MYO16: variants seen among roughly 807,000 people sequenced by gnomAD.
The protein encoded by MYO16 is unconventional myosin-XVI.
Under a neutral mutation model 205.3 loss-of-function variants are expected in MYO16, and 94 were observed. The ratio of observed to expected loss-of-function variants is 0.46; its 90% CI spans 0.39 to 0.54. The LOEUF is 0.54. MYO16 is among the 20% of genes least tolerant of loss of function. The pLI is 0.00. For missense variants in MYO16, 2,315 were observed against 2,387.5 expected, an observed-to-expected ratio of 0.97 and a Z score of 0.63; for synonymous variants, 988 against 954.0, an observed-to-expected ratio of 1.04 and a Z score of -0.66.
At chr13:108,521,941 G>A in the MYO16 span, among the ~76,000 whole-genome samples, 35 of 152,156 alleles carry the variant, frequency 2.3e-4, no homozygotes, top group Admixed American at 2.1e-3. Context: ...CTAAACATTG[G>A]TTGGAGGCAG....
chr13:109,188,892 G>A (rs745507162), intron 34 of MYO16, among the ~76,000 whole-genome samples: 5 of 152,072 alleles, frequency 3.3e-5, no homozygotes, highest in Non-Finnish European at 5.9e-5. Flanking sequence ...TCAGGAGTTC[G>A]AGACCACCCT....
intron 9 of MYO16, among the ~76,000 whole-genome samples, chr13:108,838,472 A>C (rs115977585): frequency 0.02 from 3,044 of 151,204 alleles, 95 homozygotes; most frequent in African/African-American, 0.07. Flanking sequence ...CTGGCCTCAG[A>C]ATTTCATAAT....
At chr13:108,771,073 A>G (rs1329092935) in intron 4 of MYO16, among the ~76,000 whole-genome samples, 1 of 152,138 alleles carries the variant, frequency 6.6e-6, no homozygotes. Context: ...TCTAAAGTGT[A>G]TATATTTAGG....
At chr13:108,731,967 C>G (rs554744519) in intron 4 of MYO16, among the ~76,000 whole-genome samples, 6 of 152,334 alleles carry the variant, frequency 3.9e-5, no homozygotes, top group African/African-American at 1.4e-4. Flanking sequence ...ATCTGAGTAG[C>G]TGTATTCATA....
chr13:108,883,197 C>T lies in MYO16; in HGVS notation c.1553+11C>T. ...GTGTTTCATCCTCAGGTGAGTCCTC[C>T]TCAACCTTGTCTGCCAGGCTCAGGT... On this transcript the variant is annotated intron_variant, in intron 13 of 34. Coordinates refer to ENST00000457511, the MANE Select transcript of MYO16 (RefSeq NM_001198950.3). 1.2e-6 allele frequency: 2 copies of T among 1,610,774 alleles called. No individual in the cohort carries two copies. The highest frequency in any genetic ancestry group is 1.7e-6 in the Non-Finnish European group (2 of 1,177,770).
chr13:108,521,850 T>A, the MYO16 span, among the ~76,000 whole-genome samples: 4 of 152,170 alleles, frequency 2.6e-5, no homozygotes, highest in Non-Finnish European at 5.9e-5. Flanking sequence ...TTTGTATACG[T>A]TTTATACTTT....
chr13:108,627,440 T>A (rs543547922), upstream of MYO16, among the ~76,000 whole-genome samples: 1 of 152,302 alleles, frequency 6.6e-6, no homozygotes, highest in African/African-American at 2.4e-5. Context: ...ACATTTGTAG[T>A]CTTACAGTTT....
chr13:108,797,890 C>T (rs1242566027), intron 6 of MYO16, among the ~76,000 whole-genome samples: 2 of 152,158 alleles, frequency 1.3e-5, no homozygotes, highest in East Asian at 3.9e-4. Context: ...TTGAAGTAAT[C>T]AATACAGAGC....
chr13:108,850,048 T>C (rs187932640), intron 10 of MYO16, among the ~76,000 whole-genome samples: 2 of 150,740 alleles, frequency 1.3e-5, no homozygotes, highest in Non-Finnish European at 3.0e-5. Context: ...TCCTCTTTTT[T>C]TGTGTGTGTA....
At chr13:109,034,395 C>G (rs780414822) in intron 23 of MYO16, among the ~76,000 whole-genome samples, 1 of 152,148 alleles carries the variant, frequency 6.6e-6, no homozygotes, top group Non-Finnish European at 1.5e-5. Flanking sequence ...TGAGTTCTAA[C>G]AAGATCTGAT....
At chr13:108,654,285 A>T (rs28862013) in intron 1 of MYO16, among the ~76,000 whole-genome samples, 266 of 152,144 alleles carry the variant, frequency 1.7e-3, no homozygotes, top group African/African-American at 5.7e-3. Context: ...CCAGTGGGAG[A>T]TAATTTGAAT....
chr13:108,969,536 G>T (rs1288601465), intron 20 of MYO16, among the ~76,000 whole-genome samples: 1 of 152,100 alleles, frequency 6.6e-6, no homozygotes, highest in Non-Finnish European at 1.5e-5. Context: ...AAGGCGTGTG[G>T]CCCTCTCTTC....
intron 4 of MYO16, among the ~76,000 whole-genome samples, chr13:108,766,292 G>C (rs1394448604): frequency 6.6e-6 from 1 of 152,186 alleles, no homozygotes; most frequent in Non-Finnish European, 1.5e-5. Context: ...TTTGACTCAA[G>C]TACGATAGAG....
In MYO16 at chr13:108,665,913, G is replaced by C. The variant is rs866013580; in HGVS notation, c.56G>C (p.Arg19Pro). 6.2e-7 allele frequency: 1 copy of C among 1,613,610 alleles called. No individual in the cohort carries two copies. Among genetic ancestry groups the C allele is most frequent in the Non-Finnish European group, 8.5e-7 (1 of 1,179,832 alleles). ...TGCTTTCAGCTATGTAACGTTTTTC[G>C]ATCCCATGAGATGGAAATCGACCAG... ...CCCFQLCNVF[R>P]SHEMEIDQCL... Residue 19 changes from arginine to proline, a missense_variant, in exon 2 of 35, where the codon CGA becomes CCA. Coordinates refer to ENST00000457511, the MANE Select transcript of MYO16 (RefSeq NM_001198950.3).
intron 1 of MYO16, among the ~76,000 whole-genome samples, chr13:108,609,379 T>C (rs1490529774): frequency 6.6e-6 from 1 of 152,172 alleles, no homozygotes; most frequent in Non-Finnish European, 1.5e-5. Context: ...GCTTAGCCTT[T>C]CTCTAGACTG....
intron 4 of MYO16, among the ~76,000 whole-genome samples, chr13:108,783,292 C>G (rs1167173208): frequency 6.6e-6 from 1 of 152,138 alleles, no homozygotes; most frequent in Admixed American, 6.5e-5. Context: ...ATGTGACTGC[C>G]CTACTAAATT....
At chr13:108,668,401 A>G (rs1421668819) in intron 2 of MYO16, among the ~76,000 whole-genome samples, 1 of 152,196 alleles carries the variant, frequency 6.6e-6, no homozygotes, top group Non-Finnish European at 1.5e-5. Flanking sequence ...TTACCTGGCT[A>G]TAGGGAGTGT....
At chr13:108,522,633 A>T in the MYO16 span, among the ~76,000 whole-genome samples, 1 of 152,070 alleles carries the variant, frequency 6.6e-6, no homozygotes, top group Non-Finnish European at 1.5e-5. Flanking sequence ...AGTCCTCCTG[A>T]GGGTGGTGAG....
Position 108,823,287 on chromosome 13 carries a change from C to G in MYO16, c.1097+9C>G. ...GTACTGTCGAGTAAGCTGTAAGTGT[C>G]TTCCTGCTTATTCTCTTTTGCCATC... is the stretch of plus-strand genomic sequence containing the variant. On this transcript the variant is annotated intron_variant, in intron 9 of 34. Coordinates refer to ENST00000457511, the MANE Select transcript of MYO16 (RefSeq NM_001198950.3). 6.3e-7 allele frequency: 1 copy of G among 1,593,758 alleles called. No homozygotes were observed. Among genetic ancestry groups the G allele is most frequent in the Non-Finnish European group, 8.5e-7 (1 of 1,169,936 alleles).
Sources: gnomAD v4.1 joint callset for allele counts (sites outside exome capture counted in the v4.1 genomes callset) on GRCh38, gnomAD v4.1.1 for gene constraint, MANE v1.5 for transcripts, NCBI Gene and HGNC (gene_info 2026-07-23, HGNC 2026-07-21) for gene names.